Variants in MKLN1 observed in about 807,000 individuals in gnomAD.
The protein encoded by MKLN1 is muskelin 1.
In MKLN1, 18 loss-of-function variants were observed where a neutral mutation model predicts 99.0. The observed-to-expected ratio is 0.18, with a 90% CI of 0.13 to 0.27. MKLN1 has a LOEUF of 0.27. Among genes scored for constraint, MKLN1 ranks in the 10% least tolerant of loss-of-function variants. The pLI is 1.00. For missense variants in MKLN1, 621 were observed against 875.9 expected (o/e 0.71, Z 3.67); for synonymous variants, 288 against 293.2 (o/e 0.98, Z 0.18).
In MKLN1 at chr7:131,466,322, A is replaced by G; in HGVS notation, c.1835A>G (p.Lys612Arg). 2 of 1,607,206 alleles carry G rather than the reference A, an allele frequency of 1.2e-6. No homozygotes were observed. Among genetic ancestry groups the G allele is most frequent in the Non-Finnish European group, 1.7e-6 (2 of 1,175,342 alleles). The change falls in exon 15 of 18, where the codon AAG becomes AGG. Residue 612 changes from lysine to arginine, a missense_variant. Lys to Arg is a conservative substitution (Grantham distance 26, BLOSUM62 2). Around this residue, in one of 8 missense-constraint regions of MKLN1, gnomAD observed 126 missense variants for 157.4 expected, o/e 0.80. Coordinates refer to ENST00000352689, the MANE Select transcript of MKLN1 (RefSeq NM_013255.5). The stretch of plus-strand genomic sequence containing the variant: ...AATCCAGGAAAATCTTGCTCTCCAA[A>G]GATGAGATTAGATGACTTCTGGTCA... ...GGNPGKSCSP[K>R]MRLDDFWSLK...
chr7:131,377,660 A>C (rs1793704953), intron 2 of MKLN1, among the ~76,000 whole-genome samples: 1 of 152,222 alleles, frequency 6.6e-6, no homozygotes, highest in African/African-American at 2.4e-5. Flanking sequence ...TTGTTATTGG[A>C]CTATATTTTG....
chr7:131,332,369 C>A (rs866179042), intron 1 of MKLN1, among the ~76,000 whole-genome samples: 1 of 147,968 alleles, frequency 6.8e-6, no homozygotes, highest in East Asian at 1.9e-4. Flanking sequence ...TATATATATT[C>A]TTTTCTTCTT....
At chr7:131,373,848 C>G (rs1215575809) in intron 1 of MKLN1, among the ~76,000 whole-genome samples, 2 of 152,180 alleles carry the variant, frequency 1.3e-5, no homozygotes, top group Non-Finnish European at 2.9e-5. Flanking sequence ...TATTCTTTCT[C>G]TGATCCAAGA....
chr7:131,444,765 GT>G (rs1397940956), intron 11 of MKLN1, among the ~76,000 whole-genome samples: 1,556 of 16,136 alleles, frequency 0.096, 8 homozygotes, highest in African/African-American at 0.14. Context: ...AGTAGAAGAA[GT>G]AGTAGTAGTA....
intron 4 of MKLN1, among the ~76,000 whole-genome samples, chr7:131,390,584 A>G (rs1794171509): frequency 6.6e-6 from 1 of 152,086 alleles, no homozygotes; most frequent in African/African-American, 2.4e-5. Flanking sequence ...ATATATATTT[A>G]TGGTTTACAA....
rs117939187 is a variant in MKLN1, at chr7:131,372,848, A to G, written c.99-2576A>G. ...TGGGTTCAAATCCTTACTTAGCTGTATACGTTTAGGCAATTAATCTTTTCT... is the reference window on the plus strand; with the variant it reads ...TGGGTTCAAATCCTTACTTAGCTGTGTACGTTTAGGCAATTAATCTTTTCT... On this transcript the variant is annotated intron_variant, in intron 1 of 17. Transcript: ENST00000352689. Among the ~76,000 whole-genome samples the G allele has an allele frequency of 3.4e-4, 52 of 151,332 alleles. No individual in the cohort carries two copies. In the East Asian group the frequency reaches 9.9e-3, roughly 29 times the overall value.
intron 1 of MKLN1, among the ~76,000 whole-genome samples, chr7:131,121,596 G>A (rs1387200099): frequency 5.6e-5 from 7 of 123,990 alleles, no homozygotes; most frequent in Non-Finnish European, 1.1e-4. Context: ...CCGAGATCGC[G>A]CCACTGCACT....
intron 3 of MKLN1, among the ~76,000 whole-genome samples, chr7:131,286,402 C>T (rs1798132920): frequency 1.3e-5 from 2 of 152,254 alleles, no homozygotes; most frequent in South Asian, 4.1e-4. Flanking sequence ...TTCATCTGCA[C>T]GTGGAATGGA....
chr7:131,332,571 C>A (rs1048000020), intron 1 of MKLN1, among the ~76,000 whole-genome samples: 13 of 150,718 alleles, frequency 8.6e-5, no homozygotes, highest in African/African-American at 2.9e-4. Context: ...ATTTAAATTA[C>A]CCTTGATATC....
chr7:131,112,614 G>C (rs1402876742), intron 1 of MKLN1, among the ~76,000 whole-genome samples: 1 of 152,124 alleles, frequency 6.6e-6, no homozygotes, highest in Non-Finnish European at 1.5e-5. Flanking sequence ...TGTTACCCAG[G>C]CTGGCCTCCA....
chr7:131,305,392 G>A (rs1432428252), intron 3 of MKLN1, among the ~76,000 whole-genome samples: 1 of 152,162 alleles, frequency 6.6e-6, no homozygotes, highest in Admixed American at 6.5e-5. Flanking sequence ...AGTTTACTTA[G>A]TTCCCATATA....
At chr7:131,214,535 A>T (rs1350899091) in intron 3 of MKLN1, among the ~76,000 whole-genome samples, 1 of 152,220 alleles carries the variant, frequency 6.6e-6, no homozygotes, top group Non-Finnish European at 1.5e-5. Context: ...AAGCAGAAAG[A>T]TGAAAAGGTC....
At chr7:131,216,722 T>C (rs1055909939) in intron 3 of MKLN1, among the ~76,000 whole-genome samples, 1 of 152,232 alleles carries the variant, frequency 6.6e-6, no homozygotes, top group Non-Finnish European at 1.5e-5. Context: ...ACTATACTTG[T>C]GTCTGTGTCT....
At chr7:131,434,426 A>T (rs760934651) in intron 9 of MKLN1, among the ~76,000 whole-genome samples, 1 of 152,192 alleles carries the variant, frequency 6.6e-6, no homozygotes, top group Non-Finnish European at 1.5e-5. Context: ...TGGTTTGTTA[A>T]TATTGCCTTT....
intron 11 of MKLN1, among the ~76,000 whole-genome samples, chr7:131,444,491 G>C (rs1030449254): frequency 2.6e-5 from 4 of 151,776 alleles, no homozygotes; most frequent in East Asian, 2.0e-4. Context: ...ATCTTTTTTT[G>C]TAAGAGAAAA....
chr7:131,265,898 G>A (rs192644185), intron 3 of MKLN1, among the ~76,000 whole-genome samples: 12 of 152,318 alleles, frequency 7.9e-5, no homozygotes, highest in Admixed American at 6.5e-4. Flanking sequence ...ATATTCAGAA[G>A]TTCTGTGGCT....
chr7:131,232,197 G>A (rs1298297253), intron 3 of MKLN1, among the ~76,000 whole-genome samples: 1 of 151,998 alleles, frequency 6.6e-6, no homozygotes, highest in South Asian at 2.1e-4. Flanking sequence ...ACATGTAAAA[G>A]GTCTCATTAT....
At chr7:131,222,738 C>T (rs1030131716) in intron 3 of MKLN1, among the ~76,000 whole-genome samples, 31 of 151,844 alleles carry the variant, frequency 2.0e-4, no homozygotes, top group Non-Finnish European at 1.5e-5. Context: ...AATTTCAGGC[C>T]GGGTACAGTG....
intron 12 of MKLN1, among the ~76,000 whole-genome samples, chr7:131,458,519 A>T (rs554660909): frequency 6.6e-6 from 1 of 152,304 alleles, no homozygotes; most frequent in African/African-American, 2.4e-5. Context: ...GAATATAGAG[A>T]AGAAACTATT....
Sources: gnomAD v4.1 joint callset for allele counts (sites outside exome capture counted in the v4.1 genomes callset) on GRCh38, gnomAD v4.1.1 for gene constraint, gnomAD v4.1.1 regional missense constraint, MANE v1.5 for transcripts, NCBI Gene and HGNC (gene_info 2026-07-23, HGNC 2026-07-21) for gene names.